Variants in GPC5 observed in about 807,000 individuals in gnomAD.
The protein encoded by GPC5 is glypican 5, also known as glypican-5.
A neutral mutation model predicts 53.9 loss-of-function variants in GPC5; 47 were observed. The ratio of observed to expected loss-of-function variants is 0.87; its 90% CI spans 0.69 to 1.11. The LOEUF (loss-of-function observed/expected upper bound fraction) is 1.11. Ranked by LOEUF, GPC5 falls within the 50% of genes most tolerant of loss-of-function variation. The probability of loss-of-function intolerance (pLI) is 0.00; values close to 1 mark genes in which losing one functional copy is unlikely to be tolerated. For synonymous variants in GPC5, 286 were observed against 263.3 expected (o/e 1.09, Z -0.84); for missense variants, 748 against 713.1 (o/e 1.05, Z -0.56).
chr13:91,811,316 A>C (rs1046741844), intron 5 of GPC5, among the ~76,000 whole-genome samples: 1 of 152,064 alleles, frequency 6.6e-6, no homozygotes, highest in African/African-American at 2.4e-5. Flanking sequence ...TCTAACAGGG[A>C]AGACAGATAA....
intron 7 of GPC5, among the ~76,000 whole-genome samples, chr13:92,754,651 G>C (rs1174659568): frequency 2.0e-5 from 3 of 150,172 alleles, no homozygotes; most frequent in Admixed American, 6.7e-5. Context: ...CAAGCAAATG[G>C]AAAACAAAAA....
chr13:91,619,684 G>A (rs373090243), intron 2 of GPC5, among the ~76,000 whole-genome samples: 53 of 152,174 alleles, frequency 3.5e-4, no homozygotes, highest in Middle Eastern at 3.4e-3. Context: ...ATGATGTGCC[G>A]ATCTGTATAA....
chr13:92,104,582 G>C (rs1048391879), intron 6 of GPC5, among the ~76,000 whole-genome samples: 1 of 152,148 alleles, frequency 6.6e-6, no homozygotes, highest in Non-Finnish European at 1.5e-5. Flanking sequence ...ATTGTTACAA[G>C]TTACTTTATG....
At chr13:92,220,559 G>T (rs2139087058) in intron 7 of GPC5, among the ~76,000 whole-genome samples, 1 of 152,288 alleles carries the variant, frequency 6.6e-6, no homozygotes, top group East Asian at 1.9e-4. Flanking sequence ...CTATCGGGAA[G>T]TAAACTTAAC....
intron 7 of GPC5, among the ~76,000 whole-genome samples, chr13:92,564,110 T>C (rs1882791105): frequency 6.6e-6 from 1 of 152,066 alleles, no homozygotes; most frequent in Non-Finnish European, 1.5e-5. Context: ...CATTATTTTT[T>C]ATTTTAAAAA....
chr13:91,563,973 T>C (rs2138937255), intron 2 of GPC5, among the ~76,000 whole-genome samples: 1 of 152,194 alleles, frequency 6.6e-6, no homozygotes, highest in East Asian at 1.9e-4. Context: ...TGGAAGTGAG[T>C]GTTTCGCCTT....
intron 2 of GPC5, among the ~76,000 whole-genome samples, chr13:91,668,179 T>C (rs2035161598): frequency 6.6e-6 from 1 of 152,250 alleles, no homozygotes. Flanking sequence ...ATCCAGATTC[T>C]GCCACCTTTG....
At chr13:91,600,722 C>T (rs1348368673) in intron 2 of GPC5, among the ~76,000 whole-genome samples, 2 of 151,978 alleles carry the variant, frequency 1.3e-5, no homozygotes, top group African/African-American at 2.4e-5. Flanking sequence ...TTATAGCAAA[C>T]CCATTAAAAT....
chr13:92,005,154 C>G (rs535899230), intron 6 of GPC5, among the ~76,000 whole-genome samples: 1 of 152,284 alleles, frequency 6.6e-6, no homozygotes, highest in East Asian at 1.9e-4. Context: ...TAGCACAAAT[C>G]CCCTTTGTTT....
intron 6 of GPC5, among the ~76,000 whole-genome samples, chr13:92,043,902 T>C (rs1280445659): frequency 6.6e-6 from 1 of 152,326 alleles, no homozygotes; most frequent in East Asian, 1.9e-4. Flanking sequence ...CAGATGACTG[T>C]TGAATCTTAT....
chr13:92,004,490 A>ATATAT (rs60785546), intron 6 of GPC5, among the ~76,000 whole-genome samples: 6 of 126,184 alleles, frequency 4.8e-5, no homozygotes, highest in Non-Finnish European at 6.4e-5. Flanking sequence ...ATATATATAT[A>ATATAT]ATTACACTAT....
chr13:92,207,888 C>T (rs1045040151), intron 7 of GPC5, among the ~76,000 whole-genome samples: 1 of 152,156 alleles, frequency 6.6e-6, no homozygotes, highest in Non-Finnish European at 1.5e-5. Flanking sequence ...AAGTCCAGTC[C>T]GGAATAAATG....
chr13:92,492,707 T>A (rs893074516), intron 7 of GPC5, among the ~76,000 whole-genome samples: 2 of 152,194 alleles, frequency 1.3e-5, no homozygotes, highest in Non-Finnish European at 2.9e-5. Context: ...ATGTTCTTCT[T>A]CCTTAGGAAA....
intron 2 of GPC5, among the ~76,000 whole-genome samples, chr13:91,451,677 G>T (rs765215322): frequency 6.6e-6 from 1 of 151,982 alleles, no homozygotes; most frequent in Non-Finnish European, 1.5e-5. Context: ...GAGTGCGGTG[G>T]CATGATCTTT....
intron 7 of GPC5, among the ~76,000 whole-genome samples, chr13:92,728,781 G>T (rs1183212838): frequency 6.6e-6 from 1 of 151,216 alleles, no homozygotes; most frequent in Non-Finnish European, 1.5e-5. Flanking sequence ...TTCATACATT[G>T]TAATTTTTGC....
At chr13:92,510,144 ACTG>A (rs1289394473) in intron 7 of GPC5, 1 of 152,178 alleles carries the variant, frequency 6.6e-6, no homozygotes, top group Non-Finnish European at 1.5e-5. Flanking sequence ...TCTTATACAC[ACTG>A]CTTTTACTTT....
intron 6 of GPC5, among the ~76,000 whole-genome samples, chr13:92,021,128 TG>T (rs1478773096): frequency 4.6e-5 from 7 of 152,208 alleles, no homozygotes; most frequent in Non-Finnish European, 8.8e-5. Flanking sequence ...ATTCCACTTC[TG>T]AGGATTTATT....
At chr13:92,504,593 A>C (rs777143588) in intron 7 of GPC5, among the ~76,000 whole-genome samples, 2 of 151,984 alleles carry the variant, frequency 1.3e-5, no homozygotes, top group Non-Finnish European at 2.9e-5. Flanking sequence ...AATTTCAAAA[A>C]ATTGTTTAGT....
At chr13:91,524,625 C>T (rs557233249) in intron 2 of GPC5, among the ~76,000 whole-genome samples, 1 of 152,220 alleles carries the variant, frequency 6.6e-6, no homozygotes, top group South Asian at 2.1e-4. Flanking sequence ...AGCTTTACGT[C>T]ATCCTGGGCC....
Sources: allele counts gnomAD v4.1 joint callset (sites outside exome capture counted in the v4.1 genomes callset), GRCh38; gene constraint gnomAD v4.1.1; transcripts MANE v1.5; gene names NCBI Gene and HGNC (gene_info 2026-07-23, HGNC 2026-07-21).